PDE10A: variants seen among roughly 807,000 people sequenced by gnomAD.
PDE10A encodes the protein cAMP and cAMP-inhibited cGMP 3',5'-cyclic phosphodiesterase 10A.
PDE10A carries 39 observed loss-of-function variants against 97.7 expected under a neutral mutation model. That is an observed-to-expected ratio of 0.40 (90% CI 0.31 to 0.52). The LOEUF (loss-of-function observed/expected upper bound fraction) is 0.52, where lower values mean the gene tolerates loss of function less well. Among genes scored for constraint, PDE10A ranks in the 20% least tolerant of loss-of-function variants. PDE10A has a pLI of 0.56. For missense variants in PDE10A, 731 were observed against 1,047.8 expected (o/e 0.70, Z 4.17); for synonymous variants, 371 against 376.8 (o/e 0.98, Z 0.18).
chr6:165,817,639 C>G (rs9459508), intron 1 of PDE10A, among the ~76,000 whole-genome samples: 2 of 151,898 alleles, frequency 1.3e-5, no homozygotes, highest in South Asian at 2.1e-4. Context: ...CAACAGAGCC[C>G]GGCTCAGTCC....
intron 1 of PDE10A, among the ~76,000 whole-genome samples, chr6:165,748,301 C>T (rs1792889861): frequency 6.6e-6 from 1 of 152,116 alleles, no homozygotes; most frequent in Admixed American, 6.5e-5. Flanking sequence ...TGGCTCTTTC[C>T]CTGAATATAA....
intron 13 of PDE10A, among the ~76,000 whole-genome samples, chr6:165,412,851 G>C (rs571389778): frequency 9.9e-5 from 15 of 152,204 alleles, no homozygotes; most frequent in Admixed American, 2.6e-4. Flanking sequence ...CAGAATTCTA[G>C]TAATATTATT....
intron 1 of PDE10A, among the ~76,000 whole-genome samples, chr6:165,619,319 G>A (rs1309088301): frequency 1.4e-5 from 2 of 146,498 alleles, no homozygotes; most frequent in African/African-American, 2.7e-5. Context: ...GTAGTCTAGT[G>A]TGGTGTAGTG....
In PDE10A at chr6:165,710,660, G is replaced by A. The variant is rs577861594; in HGVS notation, c.-614-167092C>T. On this transcript the variant is annotated intron_variant, in intron 1 of 19. Transcript: ENST00000366882. ...GGGGTTCTTAAGTTTAGCAATAAAA[G>A]TCATCAGATAAAAATAATGTAAATT... is the stretch of plus-strand genomic sequence containing the variant. Among the ~76,000 whole-genome samples, 7 of 152,282 alleles carry A rather than the reference G, an allele frequency of 4.6e-5. No individual in the cohort carries two copies. The South Asian group carries it at 1.5e-3, about 32-fold the overall frequency.
chr6:165,565,295 A>T (rs1784720312), intron 1 of PDE10A, among the ~76,000 whole-genome samples: 1 of 152,188 alleles, frequency 6.6e-6, no homozygotes, highest in Non-Finnish European at 1.5e-5. Flanking sequence ...TATCTTTCCT[A>T]TATTCCAGGA....
At chr6:165,636,507 G>A (rs1374410827) in intron 1 of PDE10A, among the ~76,000 whole-genome samples, 2 of 152,056 alleles carry the variant, frequency 1.3e-5, no homozygotes, top group African/African-American at 2.4e-5. Context: ...ACCTTCACAA[G>A]GAAAAATGCA....
rs561549362 is a variant in PDE10A, at chr6:165,844,388, C to T, written c.-615+143141G>A. Among the ~76,000 whole-genome samples the T allele has an allele frequency of 1.3e-3, 202 of 152,262 alleles. 3 individuals carry two copies. The highest frequency in any genetic ancestry group is 0.013 in the Admixed American group (200 of 15,304). On this transcript the variant is annotated intron_variant, in intron 1 of 19. Transcript: ENST00000366882. Reference sequence around the variant, plus strand: ...GAGCCTTTCTCATGAAAACTTATCTCGAAGGCTTCAGAGAAAAGTGTGTTG... The same window carrying T: ...GAGCCTTTCTCATGAAAACTTATCTTGAAGGCTTCAGAGAAAAGTGTGTTG...
At chr6:165,381,137 T>G (rs1671876406) in intron 17 of PDE10A, among the ~76,000 whole-genome samples, 1 of 152,174 alleles carries the variant, frequency 6.6e-6, no homozygotes, top group Non-Finnish European at 1.5e-5. Context: ...GAAATATCTC[T>G]AAAATAGGGT....
intron 1 of PDE10A, among the ~76,000 whole-genome samples, chr6:165,650,612 T>A (rs1165315693): frequency 1.3e-5 from 2 of 152,182 alleles, no homozygotes; most frequent in African/African-American, 4.8e-5. Context: ...AAGCGCCCAC[T>A]CGTAGACAGG....
chr6:165,823,509 TATATA>T (rs1562754432), intron 1 of PDE10A, among the ~76,000 whole-genome samples: 1 of 86,448 alleles, frequency 1.2e-5, no homozygotes, highest in Non-Finnish European at 2.8e-5. Context: ...TATATATATA[TATATA>T]TATATATATA....
intron 20 of PDE10A, 146 bp from the exon 21 acceptor site, chr6:165,336,357 T>A (rs901695883): frequency 9.3e-6 from 6 of 642,040 alleles, no homozygotes; most frequent in Non-Finnish European, 1.7e-5. Flanking sequence ...GATATCTGGG[T>A]TCCATGAATA....
intron 3 of PDE10A, among the ~76,000 whole-genome samples, chr6:165,463,084 C>A (rs1470871522): frequency 6.6e-6 from 1 of 152,192 alleles, no homozygotes; most frequent in Non-Finnish European, 1.5e-5. Flanking sequence ...CTAATTGGTC[C>A]CCTAAGGGGA....
intron 1 of PDE10A, among the ~76,000 whole-genome samples, chr6:165,943,965 A>G (rs1383660636): frequency 1.3e-5 from 2 of 152,210 alleles, no homozygotes; most frequent in Non-Finnish European, 2.9e-5. Flanking sequence ...CACACTGCTG[A>G]TAAAGACATA....
intron 3 of PDE10A, among the ~76,000 whole-genome samples, chr6:165,466,205 A>G (rs1293744343): frequency 6.6e-6 from 1 of 152,254 alleles, no homozygotes; most frequent in African/African-American, 2.4e-5. Context: ...AATGAATCTC[A>G]TTTAGGACAA....
intron 1 of PDE10A, among the ~76,000 whole-genome samples, chr6:165,558,152 C>T (rs1784350679): frequency 6.6e-6 from 1 of 152,140 alleles, no homozygotes; most frequent in Non-Finnish European, 1.5e-5. Flanking sequence ...GACACATGCA[C>T]ATGTATGTAT....
At chr6:165,405,201 C>A (rs557689012) in intron 13 of PDE10A, among the ~76,000 whole-genome samples, 1 of 152,140 alleles carries the variant, frequency 6.6e-6, no homozygotes, top group Non-Finnish European at 1.5e-5. Flanking sequence ...TGCACCTCAG[C>A]GTATAGAAGA....
intron 5 of PDE10A, among the ~76,000 whole-genome samples, chr6:165,443,111 C>CA (rs149435215): frequency 0.48 from 28,973 of 60,310 alleles, 7,002 homozygotes; most frequent in South Asian, 0.56. Context: ...GGCTCTGTCT[C>CA]AAAAAAAAAA....
chr6:165,629,276 TG>T (rs1405857705), intron 1 of PDE10A, among the ~76,000 whole-genome samples: 1 of 152,164 alleles, frequency 6.6e-6, no homozygotes, highest in Non-Finnish European at 1.5e-5. Context: ...GATATCCCAG[TG>T]GGACAGAATT....
intron 20 of PDE10A, among the ~76,000 whole-genome samples, chr6:165,338,245 G>C (rs1221082834): frequency 6.6e-6 from 1 of 152,210 alleles, no homozygotes; most frequent in African/African-American, 2.4e-5. Flanking sequence ...CTGTGGACTT[G>C]TCTAAATTTT....
Sources: allele counts gnomAD v4.1 joint callset (sites outside exome capture counted in the v4.1 genomes callset), GRCh38; gene constraint gnomAD v4.1.1; transcripts MANE v1.5; gene names NCBI Gene and HGNC (gene_info 2026-07-23, HGNC 2026-07-21).